Variants in KLHL5 observed in about 807,000 individuals in gnomAD.
The protein encoded by KLHL5 is kelch like family member 5, also known as kelch-like protein 5.
In KLHL5, 48 loss-of-function variants were observed where a neutral mutation model predicts 77.7. The ratio of observed to expected loss-of-function variants is 0.62; its 90% CI spans 0.49 to 0.79. KLHL5 has a LOEUF of 0.79. Ranked by LOEUF, KLHL5 falls within the 30% of genes least tolerant of loss-of-function variation. The pLI is 0.00. For synonymous variants in KLHL5, 260 were observed against 297.0 expected (o/e 0.88, Z 1.28); for missense variants, 723 against 859.7 (o/e 0.84, Z 1.99).
chr4:39,069,461 TATATATATATATACACAC>T (rs1269533143), intron 1 of KLHL5, among the ~76,000 whole-genome samples: 10 of 52,452 alleles, frequency 1.9e-4, no homozygotes, highest in South Asian at 9.1e-4. Context: ...TATATATATA[TATATATATATATACACAC>T]ACACACACAC....
chr4:39,069,535 CATAT>C (rs60163692), intron 1 of KLHL5, among the ~76,000 whole-genome samples: 2,066 of 136,034 alleles, frequency 0.015, 26 homozygotes, highest in Middle Eastern at 0.04. Flanking sequence ...ACTTTTTTAC[CATAT>C]ATATATATAT....
In KLHL5 at chr4:39,121,223, G is replaced by A; in HGVS notation, c.*157G>A. The A allele has an allele frequency of 1.6e-6, 1 of 637,004 alleles. No individual in the cohort carries two copies. Among genetic ancestry groups the A allele is most frequent in the Non-Finnish European group, 2.8e-6 (1 of 360,228 alleles). 39.5% of individuals were successfully genotyped at this position (637,004 alleles called of 1,614,324 possible). On this transcript the variant is annotated 3_prime_UTR_variant, in exon 11 of 11. Transcript: ENST00000504108. ...TGAAGATAGTAAAACAAGGGAGGAA[G>A]CAGTGGATGGACCAGGATTAATTCC...
intron 5 of KLHL5, among the ~76,000 whole-genome samples, chr4:39,095,214 T>C (rs1029594294): frequency 4.6e-5 from 7 of 152,304 alleles, no homozygotes; most frequent in African/African-American, 1.7e-4. Flanking sequence ...AAAATGCTTA[T>C]ATTCACTTAT....
At chr4:39,048,705 A>G (rs35756862) in intron 1 of KLHL5, among the ~76,000 whole-genome samples, 68,221 of 140,544 alleles carry the variant, frequency 0.49, 16,637 homozygotes, top group Middle Eastern at 0.6. Context: ...GTTCAATGGC[A>G]TGATCTCAGC....
At chr4:39,082,862 T>A (rs549143114) in intron 4 of KLHL5, among the ~76,000 whole-genome samples, 2 of 152,038 alleles carry the variant, frequency 1.3e-5, no homozygotes, top group East Asian at 3.9e-4. Flanking sequence ...CTCTGTGGTC[T>A]TAACAGTAGA....
intron 8 of KLHL5, among the ~76,000 whole-genome samples, chr4:39,108,618 C>T (rs571775628): frequency 1.3e-5 from 2 of 152,192 alleles, no homozygotes; most frequent in East Asian, 3.9e-4. Context: ...ATGGAAATCA[C>T]TTTTTAGATG....
intron 4 of KLHL5, among the ~76,000 whole-genome samples, chr4:39,083,454 T>A (rs916787288): frequency 3.9e-5 from 6 of 152,308 alleles, no homozygotes; most frequent in African/African-American, 1.4e-4. Flanking sequence ...TGTGGTGTAA[T>A]CATTTCTCAG....
At chr4:39,046,166 A>G (rs1716173121) in intron 1 of KLHL5, among the ~76,000 whole-genome samples, 1 of 151,966 alleles carries the variant, frequency 6.6e-6, no homozygotes, top group African/African-American at 2.4e-5. Flanking sequence ...TTGTTGGGTA[A>G]TTGGGCAGGG....
chr4:39,105,737 T>TACACACAC (rs10536180), intron 7 of KLHL5, among the ~76,000 whole-genome samples: 3 of 146,704 alleles, frequency 2.0e-5, no homozygotes, highest in East Asian at 2.0e-4. Flanking sequence ...TATATATGTA[T>TACACACAC]ACACACACAC....
At chr4:39,055,912 TC>T (rs1716972524) in intron 1 of KLHL5, among the ~76,000 whole-genome samples, 1 of 152,262 alleles carries the variant, frequency 6.6e-6, no homozygotes. Context: ...TTGATTTTTT[TC>T]CTCTTGATCT....
chr4:39,077,867 A>G (rs1719227973), intron 2 of KLHL5, among the ~76,000 whole-genome samples: 1 of 152,216 alleles, frequency 6.6e-6, no homozygotes, highest in African/African-American at 2.4e-5. Flanking sequence ...AAATTATAGA[A>G]CCAGCCCAAA....
intron 1 of KLHL5, among the ~76,000 whole-genome samples, chr4:39,047,053 G>C (rs1716244000): frequency 6.6e-6 from 1 of 152,178 alleles, no homozygotes; most frequent in African/African-American, 2.4e-5. Flanking sequence ...TTTAAAGCGG[G>C]ATGTATTTTG....
upstream of KLHL5, among the ~76,000 whole-genome samples, chr4:39,060,046 G>A (rs1023330765): frequency 1.3e-5 from 2 of 152,152 alleles, no homozygotes; most frequent in African/African-American, 4.8e-5. Flanking sequence ...CAACCTGAAT[G>A]CCCATTAGCA....
Position 39,081,991 on chromosome 4 carries a change from T to A in KLHL5, c.732T>A (p.Ile244=), listed in dbSNP as rs368239171. 6.2e-7 allele frequency: 1 copy of A among 1,604,634 alleles called. No individual in the cohort carries two copies. The highest frequency in any genetic ancestry group is 8.5e-7 in the Non-Finnish European group (1 of 1,176,966). The change falls in exon 4 of 11, where the codon ATT becomes ATA. Residue 244 remains isoleucine (I), a synonymous_variant. Coordinates refer to ENST00000504108, the MANE Select transcript of KLHL5 (RefSeq NM_015990.5). The surrounding 1 kb of genome is among the most constrained non-coding windows in gnomAD (Gnocchi z 4.3). The part of the protein sequence containing the change: ...TGRLELKEDN[I]ECLLSTACLL... ...GCCTTGAATTAAAAGAAGATAATATTGAGTGCCTGTTATCTACAGCTTGCC... is the reference window on the plus strand; with the variant it reads ...GCCTTGAATTAAAAGAAGATAATATAGAGTGCCTGTTATCTACAGCTTGCC...
chr4:39,080,492 C>T (rs1038095315), intron 2 of KLHL5, among the ~76,000 whole-genome samples: 16 of 150,574 alleles, frequency 1.1e-4, no homozygotes, highest in African/African-American at 2.4e-4. Flanking sequence ...TAGCATGGCA[C>T]GCCAGCCTAG....
intron 5 of KLHL5, among the ~76,000 whole-genome samples, 177 bp downstream of exon 5, chr4:39,086,904 CT>C (rs71643263): frequency 0.015 from 1,156 of 78,292 alleles, 3 homozygotes; most frequent in African/African-American, 0.055. Flanking sequence ...AAGTAACATT[CT>C]TTTTTTTTTT....
chr4:39,142,622 T>C, the KLHL5 span, among the ~76,000 whole-genome samples: 1 of 152,046 alleles, frequency 6.6e-6, no homozygotes, highest in African/African-American at 2.4e-5. Flanking sequence ...AGCACCTTCA[T>C]TCATAACAGC....
chr4:39,133,977 C>G, the KLHL5 span: 1 of 152,020 alleles, frequency 6.6e-6, no homozygotes, highest in African/African-American at 2.4e-5. Flanking sequence ...GAATATGAGG[C>G]CTCCGAGAGG....
At chr4:39,061,370 T>G (rs998505825), upstream of KLHL5, among the ~76,000 whole-genome samples, 1 of 152,194 alleles carries the variant, frequency 6.6e-6, no homozygotes, top group Non-Finnish European at 1.5e-5. Flanking sequence ...CCCTGAAAAC[T>G]CAAATTCTGC....
Sources: gnomAD v4.1 joint callset for allele counts (sites outside exome capture counted in the v4.1 genomes callset) on GRCh38, gnomAD v4.1.1 for gene constraint, Gnocchi (gnomAD v3.1) non-coding constraint, MANE v1.5 for transcripts, NCBI Gene and HGNC (gene_info 2026-07-23, HGNC 2026-07-21) for gene names.